The following NUP42 variants were observed in gnomAD, a reference collection of about 807,000 sequenced individuals.
The protein encoded by NUP42 is nucleoporin NUP42.
NUP42 carries 47 observed loss-of-function variants against 35.9 expected under a neutral mutation model. That is an observed-to-expected ratio of 1.31 (90% CI 1.04 to 1.67). The LOEUF (loss-of-function observed/expected upper bound fraction) is 1.67. Among genes scored for constraint, NUP42 ranks in the 40% most tolerant of loss-of-function variants. The probability of loss-of-function intolerance (pLI) is 0.00; values close to 1 mark genes in which losing one functional copy is unlikely to be tolerated. For missense variants in NUP42, 514 were observed against 492.2 expected (o/e 1.04, Z -0.42); for synonymous variants, 173 against 173.3 (o/e 1.00, Z 0.01).
chr7:23,196,886 C>T, intron 5 of NUP42, 120 bp downstream of exon 5: 1 of 684,230 alleles, frequency 1.5e-6, no homozygotes, highest in South Asian at 1.7e-5. Context: ...ATGATACACA[C>T]ATTCCCAAAA....
rs766222107 is a variant in NUP42 at position 23,195,874 on chromosome 7, G to A, written c.481G>A (p.Glu161Lys). Reference sequence around the variant, plus strand: ...CATTTCACCAGAGGAATTGAGGCTTGAATACCATAACTTCTTAACCAGCAA... The same window carrying A: ...CATTTCACCAGAGGAATTGAGGCTTAAATACCATAACTTCTTAACCAGCAA... Reference protein sequence around the residue: ...TDISPEELRLEYHNFLTSNNL... With the variant: ...TDISPEELRLKYHNFLTSNNL... The change falls in exon 4 of 7, where the codon GAA (glutamate) becomes AAA (lysine). Residue 161 changes from glutamate to lysine, a missense_variant. Glu to Lys is a moderately conservative substitution (Grantham distance 56, BLOSUM62 1). Coordinates refer to ENST00000258742, the MANE Select transcript of NUP42 (RefSeq NM_007342.3). The A allele has an allele frequency of 6.2e-7, 1 of 1,606,868 alleles. No homozygotes were observed. The highest frequency in any genetic ancestry group is 8.5e-7 in the Non-Finnish European group (1 of 1,176,964).
In NUP42 at chr7:23,182,212, T is replaced by G; in HGVS notation, c.121+6T>G. The stretch of plus-strand genomic sequence containing the variant: ...ACCGCAGCAGCAGCCTTCAGGTGAC[T>G]CTCCTCTGAATCCTCCGCGGTAACC... On this transcript the variant is annotated splice_donor_region_variant and intron_variant, in intron 1 of 6. Coordinates refer to ENST00000258742, the MANE Select transcript of NUP42 (RefSeq NM_007342.3). The G allele has an allele frequency of 6.2e-7, 1 of 1,603,026 alleles. No individual in the cohort carries two copies. The highest frequency in any genetic ancestry group is 1.1e-5 in the South Asian group (1 of 89,916).
At chr7:23,182,919 AAAAG>A (rs1200128643) in intron 1 of NUP42, among the ~76,000 whole-genome samples, 85 of 151,722 alleles carry the variant, frequency 5.6e-4, no homozygotes, top group African/African-American at 1.5e-3. Flanking sequence ...CAAAAAAAAA[AAAAG>A]AAAGAAAGAA....
intron 5 of NUP42, 151 bp from the exon 6 acceptor site, chr7:23,199,307 C>G: frequency 1.6e-6 from 1 of 609,910 alleles, no homozygotes; most frequent in Non-Finnish European, 2.9e-6. Context: ...CCTCCTCAGC[C>G]TCCCAAAGTG....
intron 1 of NUP42, among the ~76,000 whole-genome samples, 179 bp from the exon 2 acceptor site, chr7:23,184,891 A>G (rs1785535923): frequency 6.6e-6 from 1 of 152,188 alleles, no homozygotes; most frequent in South Asian, 2.1e-4. Context: ...CTGTGGTCCC[A>G]GCTACTCAGG....
intron 4 of NUP42, 90 bp from the exon 5 acceptor site, chr7:23,196,590 T>C: frequency 1.1e-6 from 1 of 943,588 alleles, no homozygotes; most frequent in Non-Finnish European, 1.7e-6. Context: ...CCTTTTGTGA[T>C]TTTGGCAAAG....
chr7:23,185,161 C>T lies in NUP42; in HGVS notation c.213C>T (p.Gly71=). 1.2e-6 allele frequency: 2 copies of T among 1,614,132 alleles called. No homozygotes were observed. The highest frequency in any genetic ancestry group is 2.2e-5 in the East Asian group (1 of 44,880). ...TCTCCAAATCCACACCATGGGGGGG[C>T]AGCAGAGATCAAGAAAAGCCATATT... ...SSFSKSTPWG[G]SRDQEKPYFS... The change falls in exon 2 of 7, where the codon GGC becomes GGT. Residue 71 remains glycine (G), a synonymous_variant. Coordinates refer to ENST00000258742, the MANE Select transcript of NUP42 (RefSeq NM_007342.3).
At chr7:23,195,405 T>C (rs912102260) in intron 3 of NUP42, 17 of 152,698 alleles carry the variant, frequency 1.1e-4, no homozygotes, top group African/African-American at 3.9e-4. Context: ...CAAATTCATT[T>C]ACTTTTCTCA....
At chr7:23,197,033 A>C (rs1786035786) in intron 5 of NUP42, 3 of 458,914 alleles carry the variant, frequency 6.5e-6, no homozygotes, top group African/African-American at 2.0e-5. Flanking sequence ...TGAAAATGGC[A>C]AACTATTACA....
At chr7:23,183,754 T>TA (rs571597955) in intron 1 of NUP42, among the ~76,000 whole-genome samples, 5,882 of 81,840 alleles carry the variant, frequency 0.072, 202 homozygotes, top group East Asian at 0.14. Flanking sequence ...AAAAGCAATG[T>TA]AAAAAAAAAA....
At chr7:23,192,874 T>TATACCTATGTG (rs1445313510) in intron 3 of NUP42, among the ~76,000 whole-genome samples, 1 of 152,186 alleles carries the variant, frequency 6.6e-6, no homozygotes, top group Non-Finnish European at 1.5e-5. Flanking sequence ...AATTGGTGGG[T>TATACCTATGTG]TCTTGGTCTC....
chr7:23,193,267 G>C (rs534157733), intron 3 of NUP42, among the ~76,000 whole-genome samples: 1 of 152,306 alleles, frequency 6.6e-6, no homozygotes, highest in South Asian at 2.1e-4. Context: ...AGCTGAGCGG[G>C]TTGCCACTGC....
chr7:23,200,707 C>T lies in NUP42; in HGVS notation c.1234C>T (p.Pro412Ser), dbSNP rs267601462. The change falls in exon 7 of 7, where the codon CCA becomes TCA. Residue 412 changes from proline to serine, a missense_variant. Physicochemically the swap from Pro to Ser is moderately conservative, Grantham distance 74. Coordinates refer to ENST00000258742, the MANE Select transcript of NUP42 (RefSeq NM_007342.3). ...CAAGAAATTTACTCTGGGAAAAATT[C>T]CATTAAAGCCTCCACCTCTGGAACT... is the stretch of plus-strand genomic sequence containing the variant. ...QSKKFTLGKI[P>S]LKPPPLELLN... is the part of the protein sequence containing the mutation. 2 of 1,605,082 alleles carry T rather than the reference C, an allele frequency of 1.2e-6. No individual in the cohort carries two copies. The highest frequency in any genetic ancestry group is 1.7e-6 in the Non-Finnish European group (2 of 1,176,654).
rs1786193196 is a variant in NUP42, at chr7:23,200,653, A to T, written c.1180A>T (p.Thr394Ser). 6.2e-7 allele frequency: 1 copy of T among 1,613,518 alleles called. No homozygotes were observed. Among genetic ancestry groups the T allele is most frequent in the Non-Finnish European group, 8.5e-7 (1 of 1,179,848 alleles). ...NVLFTPRDKLTVEELEQFQSK... is the reference protein window; with the variant it reads ...NVLFTPRDKLSVEELEQFQSK... ...GTTATTCACACCCAGAGATAAACTAACAGTAGAAGAACTGGAACAATTTCA... is the reference window on the plus strand; with the variant it reads ...GTTATTCACACCCAGAGATAAACTATCAGTAGAAGAACTGGAACAATTTCA... Residue 394 changes from threonine (T) to serine (S), a missense_variant, in exon 7 of 7, where the codon ACA becomes TCA. Physicochemically the swap from Thr to Ser is moderately conservative, Grantham distance 58 (BLOSUM62 1). Transcript: ENST00000258742.
chr7:23,187,197 C>A, intron 3 of NUP42, 51 bp downstream of exon 3: 2 of 1,247,648 alleles, frequency 1.6e-6, no homozygotes, highest in South Asian at 1.3e-5. Flanking sequence ...CTATTATTTT[C>A]TAAAACCAAA....
intron 3 of NUP42, among the ~76,000 whole-genome samples, chr7:23,189,801 T>G (rs538588412): frequency 6.6e-6 from 1 of 151,330 alleles, no homozygotes; most frequent in Admixed American, 6.6e-5. Flanking sequence ...TAGTCCTAGC[T>G]ACTTGGGAGG....
chr7:23,193,120 G>C (rs191765980), intron 3 of NUP42, among the ~76,000 whole-genome samples: 1 of 151,792 alleles, frequency 6.6e-6, no homozygotes, highest in South Asian at 2.1e-4. Context: ...TCGTGGTCTC[G>C]CTGGCTTCAG....
At chr7:23,183,624 T>G (rs1333762351) in intron 1 of NUP42, among the ~76,000 whole-genome samples, 1 of 152,098 alleles carries the variant, frequency 6.6e-6, no homozygotes, top group East Asian at 1.9e-4. Context: ...AGTGAAATAT[T>G]TCAGACCGAA....
At chr7:23,188,518 A>G in intron 3 of NUP42, 1 of 985,450 alleles carries the variant, frequency 1.0e-6, no homozygotes, top group Non-Finnish European at 1.2e-6. Context: ...GCCCTAAAGC[A>G]GTGGTTCTTA....
Sources: gnomAD v4.1 joint callset for allele counts (sites outside exome capture counted in the v4.1 genomes callset) on GRCh38, gnomAD v4.1.1 for gene constraint, MANE v1.5 for transcripts, NCBI Gene and HGNC (gene_info 2026-07-23, HGNC 2026-07-21) for gene names.